Variants in ABHD2 observed in about 807,000 individuals in gnomAD.
The protein encoded by ABHD2 is monoacylglycerol lipase ABHD2.
Under a neutral mutation model 48.1 loss-of-function variants are expected in ABHD2, and 20 were observed. That is an observed-to-expected ratio of 0.42 (90% CI 0.29 to 0.60). ABHD2 has a LOEUF of 0.60. Ranked by LOEUF, ABHD2 falls within the 20% of genes least tolerant of loss-of-function variation. ABHD2 has a pLI of 0.24. For missense variants in ABHD2, 405 were observed against 550.9 expected (o/e 0.74, Z 2.65); for synonymous variants, 209 against 214.2 (o/e 0.98, Z 0.21).
chr15:89,090,896 A>G (rs376598875), intron 1 of ABHD2, among the ~76,000 whole-genome samples: 2 of 152,212 alleles, frequency 1.3e-5, no homozygotes, highest in Admixed American at 1.3e-4. Context: ...TGTCAACTGC[A>G]TTTAAGGAAG....
At chr15:89,067,910 A>G in the ABHD2 span, among the ~76,000 whole-genome samples, 1 of 152,092 alleles carries the variant, frequency 6.6e-6, no homozygotes, top group Non-Finnish European at 1.5e-5. Context: ...TAATGAATGA[A>G]CTCATTCTTC....
the ABHD2 span, among the ~76,000 whole-genome samples, chr15:89,043,703 G>A: frequency 7.7e-6 from 1 of 130,006 alleles, no homozygotes; most frequent in African/African-American, 2.9e-5. Flanking sequence ...AGGAGGAGAG[G>A]AGGAGGAAGA....
intron 3 of ABHD2, among the ~76,000 whole-genome samples, chr15:89,139,623 G>A (rs907058668): frequency 3.3e-5 from 5 of 152,134 alleles, no homozygotes; most frequent in Admixed American, 6.5e-5. Flanking sequence ...TTGGCCCCAG[G>A]TGCCAGCAGC....
Position 89,104,425 on chromosome 15 carries a change from C to T in ABHD2, c.-106-9300C>T, listed in dbSNP as rs907186614. Among the ~76,000 whole-genome samples, 8 of 152,008 alleles carry T rather than the reference C, an allele frequency of 5.3e-5. No individual in the cohort carries two copies. The highest frequency in any genetic ancestry group is 1.9e-4 in the African/African-American group (8 of 41,372). The stretch of plus-strand genomic sequence containing the variant: ...ATTGGTCGGGTTTCCTCACAAATGC[C>T]TGCCATGGTGAAATGCAAGACTGTT... On this transcript the variant is annotated intron_variant, in intron 1 of 10. Transcript: ENST00000352732. This position sits in a 1 kb window ranked among gnomAD's most constrained non-coding sequence, Gnocchi z 4.4.
the ABHD2 span, among the ~76,000 whole-genome samples, chr15:89,063,675 G>T: frequency 6.6e-6 from 1 of 152,006 alleles, no homozygotes. Context: ...GCATGTTTAG[G>T]TGTACAGTCC....
intron 1 of ABHD2, among the ~76,000 whole-genome samples, chr15:89,109,401 G>A (rs75760910): frequency 3.3e-5 from 5 of 152,176 alleles, no homozygotes; most frequent in South Asian, 2.1e-4. Context: ...TGGGCTAGCC[G>A]ACAGAGAAGG....
rs1349145998 is a variant in ABHD2, at chr15:89,189,889, G to A, written c.927-1191G>A. Among the ~76,000 whole-genome samples the A allele has an allele frequency of 3.3e-5, 5 of 152,020 alleles. No homozygotes were observed. Among genetic ancestry groups the A allele is most frequent in the Non-Finnish European group, 7.4e-5 (5 of 68,006 alleles). ...AAAGTCTTTCCTCTTTAATAGCGTTGGAAAATAGCAGTTTTATGATCATAA... is the reference window on the plus strand; with the variant it reads ...AAAGTCTTTCCTCTTTAATAGCGTTAGAAAATAGCAGTTTTATGATCATAA... On this transcript the variant is annotated intron_variant, in intron 8 of 10. Transcript: ENST00000352732. The surrounding 1 kb of genome is among the most constrained non-coding windows in gnomAD (Gnocchi z 4.9).
intron 3 of ABHD2, among the ~76,000 whole-genome samples, chr15:89,139,494 C>T (rs1280799194): frequency 1.3e-5 from 2 of 152,232 alleles, no homozygotes; most frequent in African/African-American, 2.4e-5. Flanking sequence ...TCACTGTGTC[C>T]GGCTCTAATC....
the ABHD2 span, among the ~76,000 whole-genome samples, chr15:89,055,102 C>G: frequency 2.6e-4 from 39 of 152,030 alleles, 1 homozygote; most frequent in East Asian, 6.0e-3. Context: ...GAGGCTGAGG[C>G]AAGGAGGATC....
Position 89,195,114 on chromosome 15 carries a change from A to T in ABHD2, c.1082-113A>T. On this transcript the variant is annotated intron_variant, in intron 10 of 10. Coordinates refer to ENST00000352732, the MANE Select transcript of ABHD2 (RefSeq NM_152924.5). The surrounding 1 kb of genome is among the most constrained non-coding windows in gnomAD (Gnocchi z 5.1). The stretch of plus-strand genomic sequence containing the variant: ...CAGAGTGAGTAGAGGTTGGATGCCC[A>T]CTTAGGTGACCCTGCGGGGACAGCC... The T allele has an allele frequency of 8.1e-7, 1 of 1,238,720 alleles. No individual in the cohort carries two copies. The allele number at this position is 1,238,720 out of a possible 1,614,324, so 76.7% of individuals were successfully genotyped here. A position where few individuals can be genotyped will look rare whatever the true frequency, so the allele number is the denominator to read the frequency against.
intron 5 of ABHD2, among the ~76,000 whole-genome samples, chr15:89,159,424 G>A (rs2050728401): frequency 6.6e-6 from 1 of 152,122 alleles, no homozygotes; most frequent in Non-Finnish European, 1.5e-5. Context: ...CTAACACAGC[G>A]GGCCTGGTGA....
intron 5 of ABHD2, among the ~76,000 whole-genome samples, chr15:89,162,842 G>T (rs1277958001): frequency 6.6e-6 from 1 of 152,198 alleles, no homozygotes; most frequent in Non-Finnish European, 1.5e-5. Flanking sequence ...CACTCCATGA[G>T]AGCAGGCAGT....
At chr15:89,070,903 C>T in the ABHD2 span, among the ~76,000 whole-genome samples, 9 of 152,038 alleles carry the variant, frequency 5.9e-5, no homozygotes, top group Non-Finnish European at 1.0e-4. Flanking sequence ...CTTTCATGGC[C>T]TTTGGCTCTG....
At chr15:89,065,512 G>A in the ABHD2 span, among the ~76,000 whole-genome samples, 2 of 152,154 alleles carry the variant, frequency 1.3e-5, no homozygotes, top group Middle Eastern at 3.4e-3. Flanking sequence ...TTACTCTTGG[G>A]TAAAATTAAT....
At chr15:89,180,715 A>G (rs28398218) in intron 6 of ABHD2, among the ~76,000 whole-genome samples, 8,701 of 152,228 alleles carry the variant, frequency 0.057, 831 homozygotes, top group African/African-American at 0.19. Flanking sequence ...CAGCCTGCCT[A>G]GGATCGTGCC....
chr15:89,045,879 A>G, the ABHD2 span, among the ~76,000 whole-genome samples: 7 of 152,274 alleles, frequency 4.6e-5, no homozygotes, highest in African/African-American at 1.7e-4. Flanking sequence ...CTAATTGAAT[A>G]CCCTTTATTT....
At chr15:89,187,085 C>T (rs866817524) in intron 7 of ABHD2, among the ~76,000 whole-genome samples, 4 of 152,326 alleles carry the variant, frequency 2.6e-5, no homozygotes, top group Middle Eastern at 3.4e-3. Context: ...CTGGAGATTG[C>T]AGATGTTTTG....
intron 3 of ABHD2, among the ~76,000 whole-genome samples, chr15:89,119,644 T>A (rs1421283514): frequency 6.6e-6 from 1 of 152,130 alleles, no homozygotes; most frequent in Non-Finnish European, 1.5e-5. Flanking sequence ...CCTTCCTATC[T>A]CTGGGGAAGT....
intron 3 of ABHD2, among the ~76,000 whole-genome samples, chr15:89,121,594 T>C (rs1313107920): frequency 1.3e-5 from 2 of 152,086 alleles, no homozygotes; most frequent in Non-Finnish European, 2.9e-5. Context: ...TACAAAAGTG[T>C]ACTATGACCT....
Sources: allele counts gnomAD v4.1 joint callset (sites outside exome capture counted in the v4.1 genomes callset), GRCh38; gene constraint gnomAD v4.1.1; non-coding constraint Gnocchi (gnomAD v3.1); transcripts MANE v1.5; gene names NCBI Gene and HGNC (gene_info 2026-07-23, HGNC 2026-07-21).